The following CHD3 variants were observed in gnomAD, a reference collection of about 807,000 sequenced individuals.
CHD3 encodes ATP-dependent chromatin remodeler CHD3.
In CHD3, 52 loss-of-function variants were observed where a neutral mutation model predicts 248.9. The ratio of observed to expected loss-of-function variants is 0.21; its 90% CI spans 0.17 to 0.26. The LOEUF (loss-of-function observed/expected upper bound fraction) is 0.26. Among genes scored for constraint, CHD3 ranks in the 10% least tolerant of loss-of-function variants. CHD3 has a pLI of 1.00. For missense variants in CHD3, 1,482 were observed against 2,605.8 expected, an observed-to-expected ratio of 0.57 and a Z score of 9.39; for synonymous variants, 985 against 985.2, an observed-to-expected ratio of 1.00 and a Z score of 0.00.
Position 7,888,873 on chromosome 17 carries a change from C to T in CHD3, c.-128C>T. On this transcript the variant is annotated 5_prime_UTR_variant, in exon 1 of 40. Transcript: ENST00000330494. ...AAAATATGGAGGTGAAGGGTGAGAT[C>T]GGGAAACAAAGGGTATGGCCCCCTA... The T allele has an allele frequency of 1.3e-6, 2 of 1,496,708 alleles. No individual in the cohort carries two copies. Among genetic ancestry groups the T allele is most frequent in the Middle Eastern group, 1.8e-4 (1 of 5,510 alleles). 92.7% of individuals were successfully genotyped at this position (1,496,708 alleles called of 1,614,324 possible). A position where few individuals can be genotyped will look rare whatever the true frequency, so the allele number is the denominator to read the frequency against.
At chr17:7,890,287 C>T (rs796911315) in intron 2 of CHD3, 11 of 268,480 alleles carry the variant, frequency 4.1e-5, no homozygotes, top group African/African-American at 1.1e-4. Flanking sequence ...AAAAATCAGC[C>T]GGGCGCGGTG....
chr17:7,905,649 G>C lies in CHD3; in HGVS notation c.4167G>C (p.Arg1389=). The C allele has an allele frequency of 6.2e-7, 1 of 1,608,262 alleles. No homozygotes were observed. The highest frequency in any genetic ancestry group is 1.1e-5 in the South Asian group (1 of 90,220). ...EGRRQSKRQL[R]NEKDKPLPPL... ...GTAGACAGTCAAAGAGGCAGCTCCG[G>C]AATGAGAAAGATAAGCCACTGCCTC... is the stretch of plus-strand genomic sequence containing the variant. Residue 1389 remains arginine (R), a synonymous_variant, in exon 27 of 40, where the codon CGG becomes CGC. Transcript: ENST00000330494. This position sits in a 1 kb window ranked among gnomAD's most constrained non-coding sequence, Gnocchi z 5.8.
chr17:7,895,766 C>A lies in CHD3; in HGVS notation c.1707+224C>A, dbSNP rs1369327043. ...TTCCTTCCCTCAGATATAGCATAGCCTTTCCTAACTTCATGTCCTTCCTTA... is the reference window on the plus strand; with the variant it reads ...TTCCTTCCCTCAGATATAGCATAGCATTTCCTAACTTCATGTCCTTCCTTA... On this transcript the variant is annotated intron_variant, in intron 10 of 39. Coordinates refer to ENST00000330494, the MANE Select transcript of CHD3 (RefSeq NM_001005273.3). This position sits in a 1 kb window ranked among gnomAD's most constrained non-coding sequence, Gnocchi z 4.9. 6.6e-6 allele frequency among the ~76,000 whole-genome samples: 1 copy of A among 152,152 alleles called. No homozygotes were observed. The highest frequency in any genetic ancestry group is 1.9e-4 in the East Asian group (1 of 5,200).
Position 7,899,202 on chromosome 17 carries a change from G to C in CHD3, c.2343G>C (p.Glu781Asp). 6.2e-7 allele frequency: 1 copy of C among 1,612,476 alleles called. No individual in the cohort carries two copies. The highest frequency in any genetic ancestry group is 8.5e-7 in the Non-Finnish European group (1 of 1,178,780). The change falls in exon 14 of 40, where the codon GAG (glutamate) becomes GAC (aspartate). Residue 781 changes from glutamate to aspartate, a missense_variant and splice_region_variant. Around this residue, in one of 20 missense-constraint regions of CHD3, gnomAD observed 18 missense variants for 88.8 expected, o/e 0.20. Transcript: ENST00000330494. The surrounding 1 kb of genome is among the most constrained non-coding windows in gnomAD (Gnocchi z 6.8). ...TIVFLYSLYK[E>D]GHTKGPFLVS... is the part of the protein sequence containing the mutation. Reference sequence around the variant, plus strand: ...TCTTCCTCTACTCACTCTACAAGGAGGTGCTGGATTCTAGGACCTTGAAGG... The same window carrying C: ...TCTTCCTCTACTCACTCTACAAGGACGTGCTGGATTCTAGGACCTTGAAGG...
chr17:7,912,006 G>A lies in CHD3; in HGVS notation c.*421G>A. ...TTGCCTGGCCTTTAGGAACTTTTGT[G>A]GGGAAGAGAGCTTTGAAGAGAGGAG... On this transcript the variant is annotated 3_prime_UTR_variant, in exon 40 of 40. Coordinates refer to ENST00000330494, the MANE Select transcript of CHD3 (RefSeq NM_001005273.3). 1 of 324,366 alleles carries A rather than the reference G, an allele frequency of 3.1e-6. No individual in the cohort carries two copies. Among genetic ancestry groups the A allele is most frequent in the South Asian group, 2.6e-5 (1 of 38,700 alleles). The allele number at this position is 324,366 out of a possible 1,614,324, so 20.1% of individuals were successfully genotyped here.
At chr17:7,892,716 C>T (rs1347502111) in intron 4 of CHD3, among the ~76,000 whole-genome samples, 1 of 152,086 alleles carries the variant, frequency 6.6e-6, no homozygotes, top group Non-Finnish European at 1.5e-5. Context: ...AGGATGGTCT[C>T]CATCTCTTGA....
rs1484671584 is a variant in CHD3 at position 7,910,023 on chromosome 17, A to C, written c.5591-405A>C. The C allele has an allele frequency of 3.4e-6, 1 of 293,640 alleles. No individual in the cohort carries two copies. Among genetic ancestry groups the C allele is most frequent in the South Asian group, 3.1e-5 (1 of 31,918 alleles). The allele number at this position is 293,640 out of a possible 1,614,324, so 18.2% of individuals were successfully genotyped here. ...ATTCCTTAAAGCTTTGACACTTACCACCTCCCATGCCTCCTGACTATTTCC... is the reference window on the plus strand; with the variant it reads ...ATTCCTTAAAGCTTTGACACTTACCCCCTCCCATGCCTCCTGACTATTTCC... On this transcript the variant is annotated intron_variant, in intron 37 of 39. Coordinates refer to ENST00000330494, the MANE Select transcript of CHD3 (RefSeq NM_001005273.3). This position sits in a 1 kb window ranked among gnomAD's most constrained non-coding sequence, Gnocchi z 4.7.
Position 7,895,597 on chromosome 17 carries a change from T to C in CHD3, c.1707+55T>C. The C allele has an allele frequency of 3.4e-6, 5 of 1,467,478 alleles. 1 individual carries two copies. The highest frequency in any genetic ancestry group is 2.8e-5 in the African/African-American group (2 of 71,916). The allele number at this position is 1,467,478 out of a possible 1,614,324, so 90.9% of individuals were successfully genotyped here. A position where few individuals can be genotyped will look rare whatever the true frequency, so the allele number is the denominator to read the frequency against. On this transcript the variant is annotated intron_variant, in intron 10 of 39. Transcript: ENST00000330494. This position sits in a 1 kb window ranked among gnomAD's most constrained non-coding sequence, Gnocchi z 4.9. ...CATGACCTCATTTCCTGCCATCCTC[T>C]CCCTCTCTTACTCCTCTGTTTGTTG...
In CHD3 at chr17:7,905,068, C is replaced by T; in HGVS notation, c.4073-32C>T. The T allele has an allele frequency of 6.2e-7, 1 of 1,606,932 alleles. No homozygotes were observed. Among genetic ancestry groups the T allele is most frequent in the South Asian group, 1.1e-5 (1 of 90,906 alleles). ...AGCATGGGCATATCCCGAGAGCCCT[C>T]CCTGACCACTGGGCCCTTTCCACCC... is the stretch of plus-strand genomic sequence containing the variant. On this transcript the variant is annotated intron_variant, in intron 25 of 39. Transcript: ENST00000330494. The surrounding 1 kb of genome is among the most constrained non-coding windows in gnomAD (Gnocchi z 5.8).
At chr17:7,888,755 A>G, upstream of CHD3, 1 of 1,319,646 alleles carries the variant, frequency 7.6e-7, no homozygotes, top group Non-Finnish European at 9.7e-7. Flanking sequence ...CGTGCTTTTG[A>G]GAAGGCATAT....
chr17:7,896,945 C>T (rs543047934), intron 10 of CHD3, 138 bp from the exon 11 acceptor site: 565 of 693,412 alleles, frequency 8.1e-4, no homozygotes, highest in Non-Finnish European at 1.2e-3. Flanking sequence ...AGGCATGAGC[C>T]ACCGTGCCTG....
Position 7,905,363 on chromosome 17 carries a change from C to G in CHD3, c.4138+198C>G, listed in dbSNP as rs1201287721. 1.6e-6 allele frequency: 1 copy of G among 623,282 alleles called. No homozygotes were observed. The highest frequency in any genetic ancestry group is 2.8e-5 in the East Asian group (1 of 36,292). The allele number at this position is 623,282 out of a possible 1,614,324, so 38.6% of individuals were successfully genotyped here. On this transcript the variant is annotated intron_variant, in intron 26 of 39. Coordinates refer to ENST00000330494, the MANE Select transcript of CHD3 (RefSeq NM_001005273.3). The surrounding 1 kb of genome is among the most constrained non-coding windows in gnomAD (Gnocchi z 5.8). ...GTGTGTGTGACCACATAGGCTAGAT[C>G]CAGAAAGGCCATATCATTTTCCATT... is the stretch of plus-strand genomic sequence containing the variant.
chr17:7,891,045 G>A lies in CHD3; in HGVS notation c.490G>A (p.Ala164Thr). ...TTACCACACGCTCACCAACTACAAA[G>A]CCTTCAGCCAGTTCATGAGGTGCGG... ...EDYHTLTNYK[A>T]FSQFMRPLIA... The change falls in exon 4 of 40, where the codon GCC (alanine) becomes ACC (threonine). Residue 164 changes from alanine (A) to threonine (T), a missense_variant. Ala to Thr is a moderately conservative substitution (Grantham distance 58). Around this residue, in one of 20 missense-constraint regions of CHD3, gnomAD observed 30 missense variants for 83.5 expected, o/e 0.36. Transcript: ENST00000330494. The A allele has an allele frequency of 6.2e-7, 1 of 1,614,134 alleles. No individual in the cohort carries two copies.
intron 10 of CHD3, among the ~76,000 whole-genome samples, chr17:7,896,107 A>T (rs1322292542): frequency 1.3e-5 from 2 of 151,676 alleles, no homozygotes; most frequent in Non-Finnish European, 2.9e-5. Flanking sequence ...AGGCACCTGT[A>T]GTCCCAGCTA....
Position 7,904,584 on chromosome 17 carries a change from A to G in CHD3, c.4037A>G (p.Gln1346Arg). 6.2e-7 allele frequency: 1 copy of G among 1,614,132 alleles called. No individual in the cohort carries two copies. Among genetic ancestry groups the G allele is most frequent in the Non-Finnish European group, 8.5e-7 (1 of 1,180,014 alleles). ...GGCAAGGGCAAGCGGGTTCGCAAGCAAGTTAACTACAATGATGCTGCTCAG... is the reference window on the plus strand; with the variant it reads ...GGCAAGGGCAAGCGGGTTCGCAAGCGAGTTAACTACAATGATGCTGCTCAG... ...NLGKGKRVRKQVNYNDAAQED... is the reference protein window; with the variant it reads ...NLGKGKRVRKRVNYNDAAQED... Residue 1346 changes from glutamine to arginine, a missense_variant, in exon 25 of 40, where the codon CAA becomes CGA. By Grantham distance (43) the Gln-to-Arg change is conservative (BLOSUM62 1). Around this residue, in one of 20 missense-constraint regions of CHD3, gnomAD observed 156 missense variants for 420.3 expected, o/e 0.37. Transcript: ENST00000330494. The surrounding 1 kb of genome is among the most constrained non-coding windows in gnomAD (Gnocchi z 4.4).
At position 7,907,525 on chromosome 17, in the gene CHD3, A is replaced by G; in HGVS notation, c.4924+37A>G. 1 of 1,537,526 alleles carries G rather than the reference A, an allele frequency of 6.5e-7. No homozygotes were observed. Among genetic ancestry groups the G allele is most frequent in the Non-Finnish European group, 8.7e-7 (1 of 1,142,988 alleles). On this transcript the variant is annotated intron_variant, in intron 32 of 39. Coordinates refer to ENST00000330494, the MANE Select transcript of CHD3 (RefSeq NM_001005273.3). This position sits in a 1 kb window ranked among gnomAD's most constrained non-coding sequence, Gnocchi z 4.3. Reference sequence around the variant, plus strand: ...GCCTTAGGAGTGATGGGGGATTAGAATTTGGGATTTCCCTCTTCTGGGGTC... The same window carrying G: ...GCCTTAGGAGTGATGGGGGATTAGAGTTTGGGATTTCCCTCTTCTGGGGTC...
rs371432400 is a variant in CHD3 at position 7,901,041 on chromosome 17, C to G, written c.3120+48C>G. 8.1e-6 allele frequency: 13 copies of G among 1,595,240 alleles called. No homozygotes were observed. In the African/African-American group the frequency reaches 1.7e-4, roughly 21 times the overall value. ...TGATCGAACGCCCATTCTCAGAAAA[C>G]ATGGGTGGGGAGTAGTGGGGAGGTG... On this transcript the variant is annotated intron_variant, in intron 19 of 39. Coordinates refer to ENST00000330494, the MANE Select transcript of CHD3 (RefSeq NM_001005273.3).
Position 7,903,137 on chromosome 17 carries a change from C to A in CHD3, c.3495+76C>A. 1 of 1,580,000 alleles carries A rather than the reference C, an allele frequency of 6.3e-7. No homozygotes were observed. The stretch of plus-strand genomic sequence containing the variant: ...GTTCATGGAGGAGGGTGTCATGTTC[C>A]GGGGTCAGAAATAAATCTCTTCTGG... On this transcript the variant is annotated intron_variant, in intron 22 of 39. Coordinates refer to ENST00000330494, the MANE Select transcript of CHD3 (RefSeq NM_001005273.3). This position sits in a 1 kb window ranked among gnomAD's most constrained non-coding sequence, Gnocchi z 6.8.
At chr17:7,890,813 C>T in intron 3 of CHD3, 72 bp downstream of exon 3, 1 of 1,579,984 alleles carries the variant, frequency 6.3e-7, no homozygotes, top group Admixed American at 1.8e-5. Flanking sequence ...GGAATGGAGA[C>T]TGGACTGGAG....
Sources: gnomAD v4.1 joint callset for allele counts (sites outside exome capture counted in the v4.1 genomes callset) on GRCh38, gnomAD v4.1.1 for gene constraint, gnomAD v4.1.1 regional missense constraint, Gnocchi (gnomAD v3.1) non-coding constraint, MANE v1.5 for transcripts, NCBI Gene and HGNC (gene_info 2026-07-23, HGNC 2026-07-21) for gene names.